The following ADGRL2 variants were observed in gnomAD, a reference collection of about 807,000 sequenced individuals.
ADGRL2 encodes calcium-independent alpha-latrotoxin receptor 2.
In ADGRL2, 44 loss-of-function variants were observed where a neutral mutation model predicts 157.4. The observed-to-expected ratio is 0.28, with a 90% confidence interval of 0.22 to 0.36. The LOEUF (loss-of-function observed/expected upper bound fraction) is 0.36. ADGRL2 is among the 10% of genes least tolerant of loss of function. The probability of loss-of-function intolerance (pLI) is 1.00; values close to 1 mark genes in which losing one functional copy is unlikely to be tolerated. For missense variants in ADGRL2, 1,510 were observed against 1,768.9 expected (o/e 0.85, Z 2.63); for synonymous variants, 585 against 624.7 (o/e 0.94, Z 0.95).
At chr1:81,364,297 A>G (rs2076027025) in intron 1 of ADGRL2, among the ~76,000 whole-genome samples, 2 of 152,064 alleles carry the variant, frequency 1.3e-5, no homozygotes, top group African/African-American at 4.8e-5. Context: ...GTTATGACCA[A>G]TTTCCTGTTC....
intron 2 of ADGRL2, among the ~76,000 whole-genome samples, chr1:81,505,422 G>T (rs944335572): frequency 1.3e-5 from 2 of 150,994 alleles, no homozygotes; most frequent in African/African-American, 4.9e-5. Flanking sequence ...CCCAGAGGAT[G>T]CAGGGAAAGC....
intron 1 of ADGRL2, among the ~76,000 whole-genome samples, chr1:81,826,386 A>G (rs2091482483): frequency 6.6e-6 from 1 of 152,220 alleles, no homozygotes; most frequent in East Asian, 1.9e-4. Flanking sequence ...ATATGACTAT[A>G]TAAAACATTA....
At chr1:81,481,773 TC>T (rs2078394025) in intron 2 of ADGRL2, among the ~76,000 whole-genome samples, 1 of 152,178 alleles carries the variant, frequency 6.6e-6, no homozygotes, top group East Asian at 1.9e-4. Flanking sequence ...GCAGATTACA[TC>T]CTACTGCTTT....
Position 81,567,213 on chromosome 1 carries a change from C to T in ADGRL2, c.-247-13663C>T, listed in dbSNP as rs1175906954. ...AATTATCTAGTCCTGCACTGTTCAACATAGTAGTCACTATCAACATATGCC... is the reference window on the plus strand; with the variant it reads ...AATTATCTAGTCCTGCACTGTTCAATATAGTAGTCACTATCAACATATGCC... On this transcript the variant is annotated intron_variant, in intron 2 of 24. Coordinates refer to the ADGRL2 transcript ENST00000370721. 2.0e-5 allele frequency among the ~76,000 whole-genome samples: 3 copies of T among 152,194 alleles called. No individual in the cohort carries two copies. In the East Asian group the frequency reaches 5.8e-4, roughly 29 times the overall value.
At chr1:81,965,981 C>A in intron 11 of ADGRL2, 77 bp from the exon 12 acceptor site, 1 of 1,407,944 alleles carries the variant, frequency 7.1e-7, no homozygotes, top group South Asian at 1.3e-5. Context: ...AGTTTCCATA[C>A]AGTTATCATT....
intron 1 of ADGRL2, among the ~76,000 whole-genome samples, chr1:81,720,342 G>C (rs563647826): frequency 6.6e-6 from 1 of 151,882 alleles, no homozygotes; most frequent in South Asian, 2.1e-4. Flanking sequence ...GCTAATTTTT[G>C]TATTTTTAGT....
At chr1:81,676,305 G>A (rs755362557) in intron 3 of ADGRL2, among the ~76,000 whole-genome samples, 1 of 151,964 alleles carries the variant, frequency 6.6e-6, no homozygotes, top group Non-Finnish European at 1.5e-5. Context: ...CACCGCGCCC[G>A]GCCTGTTTTG....
intron 2 of ADGRL2, among the ~76,000 whole-genome samples, chr1:81,778,703 C>G (rs1490904135): frequency 6.6e-6 from 1 of 152,092 alleles, no homozygotes; most frequent in Non-Finnish European, 1.5e-5. Flanking sequence ...CCCCATTTTT[C>G]AAAGGTAATC....
chr1:81,309,123 G>A (rs1557584583), intron 1 of ADGRL2, among the ~76,000 whole-genome samples: 1 of 152,170 alleles, frequency 6.6e-6, no homozygotes, highest in South Asian at 2.1e-4. Flanking sequence ...AGAAACTTGC[G>A]ACCCTGCTTA....
intron 1 of ADGRL2, among the ~76,000 whole-genome samples, chr1:81,750,686 T>C (rs1571068691): frequency 6.6e-6 from 1 of 152,008 alleles, no homozygotes; most frequent in Non-Finnish European, 1.5e-5. Flanking sequence ...CACTGCACTC[T>C]AGCCTGGGCA....
At chr1:81,342,963 A>G (rs1023264839) in intron 1 of ADGRL2, among the ~76,000 whole-genome samples, 5 of 152,162 alleles carry the variant, frequency 3.3e-5, no homozygotes, top group Non-Finnish European at 7.3e-5. Context: ...AGAAAAAAGT[A>G]TGCAAGTAAC....
chr1:81,698,798 AT>A (rs371647085), upstream of ADGRL2, among the ~76,000 whole-genome samples: 58 of 152,322 alleles, frequency 3.8e-4, no homozygotes, highest in African/African-American at 1.4e-3. Flanking sequence ...AATACATATA[AT>A]TTTGGCATGT....
chr1:81,821,043 A>G (rs1480599073), intron 1 of ADGRL2, among the ~76,000 whole-genome samples: 1 of 152,192 alleles, frequency 6.6e-6, no homozygotes, highest in African/African-American at 2.4e-5. Flanking sequence ...AGGATCAGTC[A>G]TGCCGAAGAC....
intron 3 of ADGRL2, among the ~76,000 whole-genome samples, chr1:81,670,864 C>A (rs552352571): frequency 6.6e-6 from 1 of 152,256 alleles, no homozygotes; most frequent in Admixed American, 6.5e-5. Flanking sequence ...TACACGCCAC[C>A]ATGTCCAGCT....
chr1:81,536,590 T>A (rs181415653), intron 2 of ADGRL2, among the ~76,000 whole-genome samples: 1 of 152,354 alleles, frequency 6.6e-6, no homozygotes, highest in African/African-American at 2.4e-5. Flanking sequence ...TCACTCGGTT[T>A]CCATGATCTG....
intron 2 of ADGRL2, among the ~76,000 whole-genome samples, chr1:81,880,111 A>T (rs183139039): frequency 6.6e-6 from 1 of 152,328 alleles, no homozygotes; most frequent in East Asian, 1.9e-4. Flanking sequence ...TGGAAATTAT[A>T]ATTTTTCTGG....
intron 1 of ADGRL2, among the ~76,000 whole-genome samples, chr1:81,832,728 C>T (rs974254098): frequency 2.6e-5 from 4 of 152,268 alleles, no homozygotes; most frequent in African/African-American, 9.6e-5. Flanking sequence ...AGCCCCAGCC[C>T]TATCCATGTG....
At chr1:81,620,302 A>G (rs1266422750) in intron 3 of ADGRL2, among the ~76,000 whole-genome samples, 2 of 152,250 alleles carry the variant, frequency 1.3e-5, no homozygotes, top group South Asian at 4.1e-4. Context: ...TACATAATAC[A>G]TAATTCATTT....
chr1:81,562,362 C>G (rs1344574043), intron 2 of ADGRL2, among the ~76,000 whole-genome samples: 1 of 152,130 alleles, frequency 6.6e-6, no homozygotes, highest in Non-Finnish European at 1.5e-5. Context: ...ACCACCCACC[C>G]ATATTTTCAT....
Sources: allele counts gnomAD v4.1 joint callset (sites outside exome capture counted in the v4.1 genomes callset), GRCh38; gene constraint gnomAD v4.1.1; transcripts MANE v1.5; gene names NCBI Gene and HGNC (gene_info 2026-07-23, HGNC 2026-07-21).